CFAP47: variants seen among roughly 807,000 people sequenced by gnomAD.
The protein encoded by CFAP47 is cilia and flagella associated protein 47.
Under a neutral mutation model 148.1 loss-of-function variants are expected in CFAP47, and 29 were observed. The observed-to-expected ratio is 0.20, with a 90% CI of 0.15 to 0.27. The LOEUF (loss-of-function observed/expected upper bound fraction) is 0.27. Among genes scored for constraint, CFAP47 ranks in the 10% least tolerant of loss-of-function variants. The pLI, the probability that CFAP47 is intolerant of heterozygous loss-of-function variation, is 1.00. For missense variants in CFAP47, 1,872 were observed against 1,697.5 expected (o/e 1.10, Z -1.81); for synonymous variants, 664 against 577.3 (o/e 1.15, Z -2.15).
intron 45 of CFAP47, among the ~76,000 whole-genome samples, chrX:36,217,730 T>TA (rs1940172689): frequency 8.9e-6 from 1 of 112,138 alleles, no homozygotes; most frequent in African/African-American, 3.2e-5. Context: ...CTATGTTATT[T>TA]AAAAAAATAC....
intron 45 of CFAP47, among the ~76,000 whole-genome samples, chrX:36,217,953 G>A (rs1940175128): frequency 8.9e-6 from 1 of 111,812 alleles, no homozygotes; most frequent in Non-Finnish European, 1.9e-5. Flanking sequence ...GTCTTCAGTG[G>A]TAAACACATG....
chrX:36,215,888 A>G (rs1940154502), intron 45 of CFAP47, among the ~76,000 whole-genome samples: 1 of 111,736 alleles, frequency 8.9e-6, no homozygotes, highest in Admixed American at 9.5e-5. Flanking sequence ...GGGGGAGGTC[A>G]ACTAGGGATG....
At chrX:36,282,435 A>C (rs1448517425) in intron 50 of CFAP47, among the ~76,000 whole-genome samples, 1 of 111,694 alleles carries the variant, frequency 9.0e-6, no homozygotes, top group Non-Finnish European at 1.9e-5. Context: ...TCTCTAATAA[A>C]CATACTAACC....
rs985519609 is a variant in CFAP47, at chrX:36,367,274, A to G, written c.9185+147A>G. On this transcript the variant is annotated intron_variant, in intron 62 of 63. Transcript: ENST00000378653. ...TCTGACTCAAAGCTTCATATACTAC[A>G]TAAATTTTTACTTAACAATTGGAAA... The G allele has an allele frequency of 1.1e-5, 4 of 349,115 alleles. No individual in the cohort carries two copies. The East Asian group carries it at 1.8e-4, about 16-fold the overall frequency. 28.8% of individuals were successfully genotyped at this position (349,115 alleles called of 1,213,427 possible). A position where few individuals can be genotyped will look rare whatever the true frequency, so the allele number is the denominator to read the frequency against.
intron 45 of CFAP47, among the ~76,000 whole-genome samples, chrX:36,225,520 T>G (rs1421145909): frequency 2.6e-4 from 29 of 111,689 alleles, no homozygotes; most frequent in African/African-American, 7.8e-4. Context: ...CACTTACTCT[T>G]GGTCCATACC....
intron 45 of CFAP47, among the ~76,000 whole-genome samples, chrX:36,207,784 T>C (rs1940055053): frequency 9.0e-6 from 1 of 111,728 alleles, no homozygotes. Flanking sequence ...TTGAAATTTA[T>C]GGACAGGCAG....
At chrX:36,163,920 A>G (rs1004346551) in intron 39 of CFAP47, among the ~76,000 whole-genome samples, 1 of 111,918 alleles carries the variant, frequency 8.9e-6, no homozygotes, top group Non-Finnish European at 1.9e-5. Context: ...ATCTTAAATT[A>G]TTTTTAATTT....
At chrX:36,108,806 C>T (rs6629046) in intron 33 of CFAP47, among the ~76,000 whole-genome samples, 26,734 of 80,749 alleles carry the variant, frequency 0.33, 5,195 homozygotes, top group African/African-American at 0.7. Flanking sequence ...TTTTTTTTTT[C>T]ACTTTTATTT....
chrX:36,295,475 T>C (rs1941233835), intron 51 of CFAP47, among the ~76,000 whole-genome samples: 1 of 112,270 alleles, frequency 8.9e-6, no homozygotes, highest in Non-Finnish European at 1.9e-5. Context: ...TTGTTTTAAA[T>C]ATAATCTTAA....
At chrX:36,039,378 G>A (rs1937376211) in intron 25 of CFAP47, among the ~76,000 whole-genome samples, 199 bp downstream of exon 25, 1 of 112,137 alleles carries the variant, frequency 8.9e-6, no homozygotes, top group South Asian at 3.6e-4. Flanking sequence ...GAATTTTCTT[G>A]TAAATTTTCT....
intron 15 of CFAP47, chrX:35,986,092 C>T: frequency 1.0e-5 from 2 of 191,828 alleles, no homozygotes; most frequent in East Asian, 1.4e-4. Context: ...TTTGGGGTTG[C>T]TCTTCTTGAG....
chrX:36,204,059 G>C (rs1940011618), intron 44 of CFAP47, among the ~76,000 whole-genome samples: 1 of 111,676 alleles, frequency 9.0e-6, no homozygotes, highest in African/African-American at 3.3e-5. Flanking sequence ...CTTTTGAGAA[G>C]TGTCTGTTCA....
chrX:36,282,556 C>G (rs1182033786), intron 50 of CFAP47, among the ~76,000 whole-genome samples: 1 of 111,403 alleles, frequency 9.0e-6, no homozygotes, highest in African/African-American at 3.3e-5. Context: ...TACTCTCAGA[C>G]AGAATTAACT....
Position 36,039,179 on chromosome X carries a change from G to T in CFAP47, c.4007G>T (p.Arg1336Ile). 1.0e-6 allele frequency: 1 copy of T among 988,673 alleles called. No homozygotes were observed. 81.5% of individuals were successfully genotyped at this position (988,673 alleles called of 1,213,427 possible). The change falls in exon 25 of 64, where the codon AGA becomes ATA. Residue 1336 changes from arginine (R) to isoleucine (I), a missense_variant and splice_region_variant. By Grantham distance (97) the Arg-to-Ile change is moderately conservative. Transcript: ENST00000378653. ...DINILPQNYF[R>I]NSTLCVQIPT... ...AACATTTTACCTCAAAACTATTTCAGGTAAATACTCAATGTGAATTTACCA... is the reference window on the plus strand; with the variant it reads ...AACATTTTACCTCAAAACTATTTCATGTAAATACTCAATGTGAATTTACCA...
chrX:36,077,183 C>CT lies in CFAP47; in HGVS notation c.4691+3859dup, dbSNP rs776287161. Among the ~76,000 whole-genome samples, 32 of 20,993 alleles carry CT rather than the reference C, an allele frequency of 1.5e-3. 13 individuals are homozygous for CT. Among genetic ancestry groups the CT allele is most frequent in the Non-Finnish European group, 2.7e-3 (29 of 10,921 alleles). 18.2% of individuals were successfully genotyped at this position (20,993 alleles called of 115,157 possible). ...AAGTCAGGTAATACAGCGCCTCCAG[C>CT]TTTTTTTTTTTTTTTTTTTTTTTTT... On this transcript the variant is annotated intron_variant, in intron 29 of 63. Transcript: ENST00000378653.
intron 61 of CFAP47, among the ~76,000 whole-genome samples, chrX:36,363,027 T>C: frequency 8.9e-6 from 1 of 111,958 alleles, no homozygotes; most frequent in East Asian, 2.8e-4. Flanking sequence ...AGAGCCAATG[T>C]GAATTTATAC....
intron 39 of CFAP47, among the ~76,000 whole-genome samples, chrX:36,174,017 G>A (rs1939628705): frequency 9.1e-6 from 1 of 109,795 alleles, no homozygotes; most frequent in South Asian, 4.0e-4. Flanking sequence ...AGGATAGTTA[G>A]CTCTTCTTGT....
rs1283419097 is a variant in CFAP47, at chrX:36,149,046, G to T, written c.5671-62G>T. ...GCTATCTTTGATAAAAATAAGAAAT[G>T]ATATAGTTGCATAGTTTTTAATTTT... On this transcript the variant is annotated intron_variant, in intron 36 of 63. Transcript: ENST00000378653. 15 of 268,581 alleles carry T rather than the reference G, an allele frequency of 5.6e-5. No homozygotes were observed. In the South Asian group the frequency reaches 9.2e-4, roughly 17 times the overall value. 22.1% of individuals were successfully genotyped at this position (268,581 alleles called of 1,213,427 possible).
At position 36,306,842 on chromosome X, in the gene CFAP47, A is replaced by T; in HGVS notation, c.8153A>T (p.Asp2718Val). 8.7e-7 allele frequency: 1 copy of T among 1,154,439 alleles called. No individual in the cohort carries two copies. Among genetic ancestry groups the T allele is most frequent in the Middle Eastern group, 2.3e-4 (1 of 4,267 alleles). ...LFYPSALGRA[D>V]HQACINFYCT... ...TATCCTTCTGCACTTGGAAGAGCTG[A>T]TCATCAAGCTTGCATCAACTTCTAC... Residue 2718 changes from aspartate (D) to valine (V), a missense_variant, in exon 55 of 64, where the codon GAT becomes GTT. By Grantham distance (152) the Asp-to-Val change is radical. Transcript: ENST00000378653.
Sources: allele counts gnomAD v4.1 joint callset (sites outside exome capture counted in the v4.1 genomes callset), GRCh38; gene constraint gnomAD v4.1.1; transcripts MANE v1.5; gene names NCBI Gene and HGNC (gene_info 2026-07-23, HGNC 2026-07-21).